Variants in ADAM7 observed in about 807,000 individuals in gnomAD.
ADAM7 encodes the protein disintegrin and metalloproteinase domain-containing protein 7.
Under a neutral mutation model 102.9 loss-of-function variants are expected in ADAM7, and 97 were observed. That is an observed-to-expected ratio of 0.94 (90% CI 0.80 to 1.12). The LOEUF is 1.12. Among genes scored for constraint, ADAM7 ranks in the 50% most tolerant of loss-of-function variants. The pLI, the probability that ADAM7 is intolerant of heterozygous loss-of-function variation, is 0.00. For synonymous variants in ADAM7, 334 were observed against 304.4 expected (o/e 1.10, Z -1.01); for missense variants, 991 against 908.7 (o/e 1.09, Z -1.16).
At chr8:24,488,048 A>T (rs1307768403) in intron 11 of ADAM7, among the ~76,000 whole-genome samples, 1 of 152,138 alleles carries the variant, frequency 6.6e-6, no homozygotes, top group Admixed American at 6.6e-5. Flanking sequence ...ACATCCTGGC[A>T]TTTCAACTCC....
At chr8:24,470,665 C>T (rs1018357713) in intron 7 of ADAM7, among the ~76,000 whole-genome samples, 4 of 152,144 alleles carry the variant, frequency 2.6e-5, no homozygotes, top group Non-Finnish European at 5.9e-5. Flanking sequence ...CATAACGTTA[C>T]AGCACAGTGC....
intron 6 of ADAM7, chr8:24,467,204 T>C: frequency 1.7e-6 from 1 of 596,252 alleles, no homozygotes; most frequent in Non-Finnish European, 2.9e-6. Flanking sequence ...AGGATGATTC[T>C]ACAATTCTAT....
intron 2 of ADAM7, among the ~76,000 whole-genome samples, chr8:24,445,805 C>T (rs570112277): frequency 6.6e-6 from 1 of 152,306 alleles, no homozygotes; most frequent in East Asian, 1.9e-4. Context: ...CATTTCTATT[C>T]AACTTACACC....
intron 20 of ADAM7, 55 bp downstream of exon 20, chr8:24,501,631 C>T: frequency 7.3e-7 from 1 of 1,362,610 alleles, no homozygotes; most frequent in South Asian, 1.3e-5. Context: ...TTTTAAGTAG[C>T]TGAATGTGTT....
Position 24,493,105 on chromosome 8 carries a change from A to G in ADAM7, c.1718A>G (p.Asp573Gly). Reference sequence around the variant, plus strand: ...GAGCTTTCCTCTCTCCTTGGAGAAGACAAGACTTATCACCTTAAGGATCCC... The same window carrying G: ...GAGCTTTCCTCTCTCCTTGGAGAAGGCAAGACTTATCACCTTAAGGATCCC... ...GGELSSLLGE[D>G]KTYHLKDPQK... Residue 573 changes from aspartate to glycine, a missense_variant, in exon 16 of 22, where the codon GAC becomes GGC. Asp to Gly is a moderately conservative substitution (Grantham distance 94). Coordinates refer to ENST00000175238, the MANE Select transcript of ADAM7 (RefSeq NM_003817.4). 6.2e-7 allele frequency: 1 copy of G among 1,613,172 alleles called. No individual in the cohort carries two copies. Among genetic ancestry groups the G allele is most frequent in the Non-Finnish European group, 8.5e-7 (1 of 1,179,528 alleles).
intron 14 of ADAM7, 178 bp downstream of exon 14, chr8:24,492,276 A>T: frequency 1.4e-6 from 1 of 708,378 alleles, no homozygotes; most frequent in Non-Finnish European, 2.3e-6. Flanking sequence ...GTCTAATATT[A>T]ACTATCTCAG....
At chr8:24,451,328 G>A (rs1166166204) in intron 3 of ADAM7, among the ~76,000 whole-genome samples, 1 of 152,078 alleles carries the variant, frequency 6.6e-6, no homozygotes, top group African/African-American at 2.4e-5. Flanking sequence ...CAATTTCAGA[G>A]CCTGTTATTG....
At chr8:24,452,319 C>T (rs1410077114) in intron 3 of ADAM7, among the ~76,000 whole-genome samples, 14 of 148,630 alleles carry the variant, frequency 9.4e-5, no homozygotes, top group Admixed American at 2.0e-4. Context: ...ACTTGCTTTA[C>T]GAATCTGGGT....
Position 24,441,048 on chromosome 8 carries a change from G to T in ADAM7, c.-61G>T. 6.7e-7 allele frequency: 1 copy of T among 1,487,454 alleles called. No individual in the cohort carries two copies. Among genetic ancestry groups the T allele is most frequent in the African/African-American group, 1.4e-5 (1 of 72,306 alleles). 92.1% of individuals were successfully genotyped at this position (1,487,454 alleles called of 1,614,324 possible). ...TTCATCCCTGCAGTGGAAGTGAGGA[G>T]GAAGAAAGGTGAACTCCTTTTCTCA... is the stretch of plus-strand genomic sequence containing the variant. On this transcript the variant is annotated 5_prime_UTR_variant, in exon 1 of 22. It adds an upstream start codon to the 5' untranslated region. Coordinates refer to ENST00000175238, the MANE Select transcript of ADAM7 (RefSeq NM_003817.4).
At chr8:24,451,658 G>A (rs1818795271) in intron 3 of ADAM7, among the ~76,000 whole-genome samples, 2 of 151,288 alleles carry the variant, frequency 1.3e-5, no homozygotes, top group African/African-American at 4.9e-5. Context: ...CTTCAGTTCT[G>A]CTCTGATTTT....
intron 17 of ADAM7, among the ~76,000 whole-genome samples, chr8:24,499,821 C>T (rs1163082572): frequency 5.7e-5 from 7 of 123,386 alleles, no homozygotes; most frequent in African/African-American, 2.0e-4. Context: ...CACACACACA[C>T]ACACACATCA....
intron 3 of ADAM7, among the ~76,000 whole-genome samples, chr8:24,457,549 T>TTC (rs1819081859): frequency 7.3e-5 from 11 of 151,506 alleles, no homozygotes; most frequent in Non-Finnish European, 1.3e-4. Flanking sequence ...GTGATAGGAT[T>TTC]ACAGGCATGA....
At chr8:24,482,832 G>T (rs1373454257) in intron 9 of ADAM7, among the ~76,000 whole-genome samples, 5 of 152,112 alleles carry the variant, frequency 3.3e-5, no homozygotes, top group Non-Finnish European at 7.4e-5. Flanking sequence ...GAAAAAATCT[G>T]ATATATTCAT....
At chr8:24,496,819 G>A (rs1000582632) in intron 16 of ADAM7, among the ~76,000 whole-genome samples, 1 of 152,154 alleles carries the variant, frequency 6.6e-6, no homozygotes, top group Non-Finnish European at 1.5e-5. Context: ...TAGGTGGAAG[G>A]GACTTGCCTT....
chr8:24,448,023 C>G (rs1818632046), intron 3 of ADAM7, among the ~76,000 whole-genome samples: 1 of 151,352 alleles, frequency 6.6e-6, no homozygotes, highest in South Asian at 2.1e-4. Flanking sequence ...CGTCACCAGA[C>G]AAATGTGCCG....
chr8:24,491,471 T>A (rs1037421716), intron 13 of ADAM7, among the ~76,000 whole-genome samples: 4 of 152,224 alleles, frequency 2.6e-5, no homozygotes, highest in African/African-American at 9.6e-5. Context: ...CCTCTAGCAG[T>A]GAAAGCAAGG....
intron 18 of ADAM7, among the ~76,000 whole-genome samples, chr8:24,500,493 A>C (rs1004253575): frequency 6.6e-6 from 1 of 152,288 alleles, no homozygotes; most frequent in African/African-American, 2.4e-5. Flanking sequence ...GGTATCCCAC[A>C]AACCCTCAAC....
At chr8:24,451,135 G>C (rs1439024998) in intron 3 of ADAM7, among the ~76,000 whole-genome samples, 2 of 151,778 alleles carry the variant, frequency 1.3e-5, no homozygotes, top group South Asian at 2.1e-4. Context: ...TCTCTGCCAG[G>C]CTTTGGTATC....
chr8:24,509,296 G>A lies in ADAM7; in HGVS notation c.*750G>A. 1.0e-6 allele frequency: 1 copy of A among 985,358 alleles called. No homozygotes were observed. The highest frequency in any genetic ancestry group is 1.2e-6 in the Non-Finnish European group (1 of 829,934). 61.0% of individuals were successfully genotyped at this position (985,358 alleles called of 1,614,324 possible). On this transcript the variant is annotated 3_prime_UTR_variant, in exon 22 of 22. Coordinates refer to ENST00000175238, the MANE Select transcript of ADAM7 (RefSeq NM_003817.4). ...GAAGGGTTTCTAAGGTCTTTGTCCT[G>A]TGCAATTTGACAATGTGCCATTTCT...
Sources: allele counts gnomAD v4.1 joint callset (sites outside exome capture counted in the v4.1 genomes callset), GRCh38; gene constraint gnomAD v4.1.1; transcripts MANE v1.5; gene names NCBI Gene and HGNC (gene_info 2026-07-23, HGNC 2026-07-21).